ECE1: variants seen among roughly 807,000 people sequenced by gnomAD.
The protein encoded by ECE1 is endothelin converting enzyme 1, also known as endothelin-converting enzyme 1.
Under a neutral mutation model 98.6 loss-of-function variants are expected in ECE1, and 35 were observed. The ratio of observed to expected loss-of-function variants is 0.35; its 90% CI spans 0.27 to 0.47. The LOEUF is 0.47. Among genes scored for constraint, ECE1 ranks in the 20% least tolerant of loss-of-function variants. The pLI, the probability that ECE1 is intolerant of heterozygous loss-of-function variation, is 1.00. For synonymous variants in ECE1, 394 were observed against 407.1 expected (o/e 0.97, Z 0.39); for missense variants, 814 against 1,025.3 (o/e 0.79, Z 2.81).
rs11293119 is a variant in ECE1, at chr1:21,225,695, CTTT to C, written c.1850-258_1850-256del. Among the ~76,000 whole-genome samples, 7 of 137,286 alleles carry C rather than the reference CTTT, an allele frequency of 5.1e-5. No homozygotes were observed. The highest frequency in any genetic ancestry group is 4.7e-5 in the Non-Finnish European group (3 of 63,928). The allele number at this position is 137,286 out of a possible 152,430, so 90.1% of individuals were successfully genotyped here. On this transcript the variant is annotated intron_variant, in intron 16 of 18. Coordinates refer to ENST00000374893, the MANE Select transcript of ECE1 (RefSeq NM_001397.3). The surrounding 1 kb of genome is among the most constrained non-coding windows in gnomAD (Gnocchi z 5.3). ...CAGTGGGGCTTGCTTTGTTTTCTTT[CTTT>C]TTTTTTTTTTTTTGAGACAGTCTCA...
chr1:21,333,885 A>G (rs1317572369), intron 1 of ECE1, among the ~76,000 whole-genome samples: 2 of 152,056 alleles, frequency 1.3e-5, no homozygotes, highest in Non-Finnish European at 2.9e-5. Flanking sequence ...CCCACCTCCC[A>G]AGGGCCAACT....
chr1:21,328,416 C>T (rs1330075138), intron 1 of ECE1, among the ~76,000 whole-genome samples: 1 of 152,224 alleles, frequency 6.6e-6, no homozygotes, highest in East Asian at 1.9e-4. Context: ...GATATTGCCA[C>T]CACTGATCAT....
intron 14 of ECE1, among the ~76,000 whole-genome samples, chr1:21,228,573 GC>G (rs2098177473): frequency 6.6e-6 from 1 of 151,912 alleles, no homozygotes; most frequent in Non-Finnish European, 1.5e-5. Flanking sequence ...ATTACTTGAG[GC>G]CAGGAGTTCA....
At chr1:21,256,742 G>A (rs1469466964) in intron 7 of ECE1, 1 of 153,274 alleles carries the variant, frequency 6.5e-6, no homozygotes, top group African/African-American at 2.4e-5. Flanking sequence ...TCCATTCTTA[G>A]AATGCATCTT....
chr1:21,241,423 GTT>G (rs1223983301), intron 10 of ECE1, among the ~76,000 whole-genome samples: 263 of 133,314 alleles, frequency 2.0e-3, no homozygotes, highest in African/African-American at 6.4e-3. Context: ...TGGTTGAGGT[GTT>G]TTTTTTTTTT....
chr1:21,274,289 C>T lies in ECE1; in HGVS notation c.281-1378G>A, dbSNP rs138725977. Among the ~76,000 whole-genome samples the T allele has an allele frequency of 2.4e-3, 366 of 152,340 alleles. 2 individuals carry two copies. Among genetic ancestry groups the T allele is most frequent in the African/African-American group, 8.3e-3 (344 of 41,576 alleles). ...CTGCTTTCCTTCCCCACCTCTCTGCCAGTCACACGAGGGGCTGGTGCAGCC... is the reference window on the plus strand; with the variant it reads ...CTGCTTTCCTTCCCCACCTCTCTGCTAGTCACACGAGGGGCTGGTGCAGCC... On this transcript the variant is annotated intron_variant, in intron 3 of 18. Transcript: ENST00000374893.
Position 21,263,768 on chromosome 1 carries a change from C to T in ECE1, c.494-3376G>A, listed in dbSNP as rs375192554. ...CCCCCTCTGTGTGTGTCATCAGTAT[C>T]CCCACTGCCAATGCTGGCTGGGGCA... On this transcript the variant is annotated intron_variant, in intron 4 of 18. Coordinates refer to ENST00000374893, the MANE Select transcript of ECE1 (RefSeq NM_001397.3). 1.0e-3 allele frequency among the ~76,000 whole-genome samples: 152 copies of T among 152,228 alleles called. 1 individual carries two copies. Among genetic ancestry groups the T allele is most frequent in the African/African-American group, 3.5e-3 (144 of 41,536 alleles).
chr1:21,259,557 G>A (rs1422397774), intron 5 of ECE1, among the ~76,000 whole-genome samples: 4 of 151,992 alleles, frequency 2.6e-5, no homozygotes, highest in African/African-American at 9.7e-5. Flanking sequence ...AATCTCCCTG[G>A]TCTTCCCTGG....
upstream of ECE1, among the ~76,000 whole-genome samples, chr1:21,291,196 G>A (rs919451924): frequency 5.9e-5 from 9 of 152,110 alleles, no homozygotes; most frequent in Non-Finnish European, 8.8e-5. Flanking sequence ...GGGCTCTCTC[G>A]GATATGAGGT....
chr1:21,262,647 A>G lies in ECE1; in HGVS notation c.494-2255T>C, dbSNP rs1488963306. On this transcript the variant is annotated intron_variant, in intron 4 of 18. Coordinates refer to ENST00000374893, the MANE Select transcript of ECE1 (RefSeq NM_001397.3). Reference sequence around the variant, plus strand: ...ATAAGAGGCCTAAAGAACAGCTCCCAGGAGCAGCCTGGCTGTGCTAATCAC... The same window carrying G: ...ATAAGAGGCCTAAAGAACAGCTCCCGGGAGCAGCCTGGCTGTGCTAATCAC... 2.0e-5 allele frequency among the ~76,000 whole-genome samples: 3 copies of G among 152,204 alleles called. No homozygotes were observed. The East Asian group carries it at 5.8e-4, about 29-fold the overall frequency.
intron 2 of ECE1, among the ~76,000 whole-genome samples, chr1:21,287,481 G>A (rs552396730): frequency 1.9e-4 from 29 of 152,258 alleles, no homozygotes; most frequent in African/African-American, 6.7e-4. Flanking sequence ...AGCTGAGATC[G>A]CGCCACTGCA....
chr1:21,228,631 CA>C (rs573181093), intron 14 of ECE1, among the ~76,000 whole-genome samples: 14 of 151,116 alleles, frequency 9.3e-5, no homozygotes, highest in Admixed American at 2.0e-4. Flanking sequence ...ACCAAAAATA[CA>C]AAAAAAATTA....
chr1:21,283,999 C>G (rs2098257883), intron 2 of ECE1, among the ~76,000 whole-genome samples: 2 of 152,314 alleles, frequency 1.3e-5, no homozygotes, highest in East Asian at 1.9e-4. Flanking sequence ...CCTAGAGGTA[C>G]TAGGCCAGGA....
chr1:21,315,663 G>T (rs981683627), intron 1 of ECE1, among the ~76,000 whole-genome samples: 1 of 151,810 alleles, frequency 6.6e-6, no homozygotes, highest in Middle Eastern at 3.2e-3. Context: ...GTGTGGTAGC[G>T]CATGCCTGTA....
chr1:21,248,858 C>T (rs1184740790), intron 8 of ECE1, among the ~76,000 whole-genome samples: 2 of 151,504 alleles, frequency 1.3e-5, no homozygotes, highest in African/African-American at 4.8e-5. Flanking sequence ...CTCCTGACCT[C>T]ATGATCTGCC....
chr1:21,221,624 G>A, intron 18 of ECE1, 123 bp downstream of exon 18: 1 of 998,224 alleles, frequency 1.0e-6, no homozygotes, highest in Non-Finnish European at 1.6e-6. Flanking sequence ...CATGTGCTGT[G>A]CACAGTCCAG....
chr1:21,234,437 C>A (rs1030079705), intron 13 of ECE1, among the ~76,000 whole-genome samples: 27 of 150,500 alleles, frequency 1.8e-4, no homozygotes, highest in African/African-American at 6.6e-4. Flanking sequence ...CTGTCAAGGG[C>A]ATCACTGTAC....
At chr1:21,331,729 CAAT>C (rs1391693231) in intron 1 of ECE1, among the ~76,000 whole-genome samples, 1 of 152,028 alleles carries the variant, frequency 6.6e-6, no homozygotes, top group Non-Finnish European at 1.5e-5. Flanking sequence ...ACAGGAATAA[CAAT>C]AATAAGTACC....
intron 1 of ECE1, among the ~76,000 whole-genome samples, chr1:21,308,855 C>CCCAGGG (rs1638654940): frequency 6.6e-6 from 1 of 152,184 alleles, no homozygotes; most frequent in South Asian, 2.1e-4. Context: ...GTTTCCCTTG[C>CCCAGGG]TAGGAGCAGT....
Sources: gnomAD v4.1 joint callset for allele counts (sites outside exome capture counted in the v4.1 genomes callset) on GRCh38, gnomAD v4.1.1 for gene constraint, Gnocchi (gnomAD v3.1) non-coding constraint, MANE v1.5 for transcripts, NCBI Gene and HGNC (gene_info 2026-07-23, HGNC 2026-07-21) for gene names.